FRYL: variants seen among roughly 807,000 people sequenced by gnomAD.
FRYL encodes FRY like transcription coactivator.
A neutral mutation model predicts 351.2 loss-of-function variants in FRYL; 150 were observed. The observed-to-expected ratio is 0.43, with a 90% CI of 0.37 to 0.49. FRYL has a LOEUF of 0.49. Ranked by LOEUF, FRYL falls within the 20% of genes least tolerant of loss-of-function variation. FRYL has a pLI of 0.00. For missense variants in FRYL, 3,036 were observed against 3,619.3 expected, an observed-to-expected ratio of 0.84 and a Z score of 4.13; for synonymous variants, 1,153 against 1,257.1, an observed-to-expected ratio of 0.92 and a Z score of 1.75.
At chr4:48,719,046 C>T (rs1769181356) in intron 1 of FRYL, among the ~76,000 whole-genome samples, 1 of 151,580 alleles carries the variant, frequency 6.6e-6, no homozygotes, top group African/African-American at 2.4e-5. Flanking sequence ...TTTGGCCTCC[C>T]CTCTCTCACT....
At chr4:48,701,000 G>A (rs1766660495) in intron 2 of FRYL, among the ~76,000 whole-genome samples, 1 of 151,964 alleles carries the variant, frequency 6.6e-6, no homozygotes, top group South Asian at 2.1e-4. Flanking sequence ...TCTTAGGCAA[G>A]CTCATTTAAA....
intron 26 of FRYL, chr4:48,571,707 C>A: frequency 2.0e-6 from 2 of 979,950 alleles, no homozygotes; most frequent in Non-Finnish European, 2.4e-6. Context: ...TTGGCTCTTT[C>A]TAAAGTTGAC....
In FRYL at chr4:48,531,303, G is replaced by A. The variant is rs1423453615; in HGVS notation, c.6756C>T (p.Arg2252=). ...ALNILKLVVS[R]SASLVVPSDI... is the part of the protein sequence containing the mutation. ...CACTGGGTACGACAAGACTCGCAGA[G>A]CGTGACACCACCAGCTTTAATATGT... is the stretch of plus-strand genomic sequence containing the variant. The change falls in exon 50 of 64, where the codon CGC becomes CGT. Residue 2252 remains arginine (R), a synonymous_variant. Transcript: ENST00000358350. 1 of 1,613,728 alleles carries A rather than the reference G, an allele frequency of 6.2e-7. No individual in the cohort carries two copies. The highest frequency in any genetic ancestry group is 1.7e-5 in the Admixed American group (1 of 59,994).
At position 48,556,266 on chromosome 4, in the gene FRYL, G is replaced by A. The variant is rs141670995; in HGVS notation, c.4266+712C>T. 7.1e-4 allele frequency among the ~76,000 whole-genome samples: 108 copies of A among 152,282 alleles called. No homozygotes were observed. In the East Asian group the frequency reaches 0.018, roughly 25 times the overall value. ...CCACACTTTTGGGGGATGCTGCCAC[G>A]GGATAGATATCTATATCTGCATCTA... On this transcript the variant is annotated intron_variant, in intron 35 of 63. Transcript: ENST00000358350.
Position 48,521,013 on chromosome 4 carries a change from A to G in FRYL, c.7689+35T>C, listed in dbSNP as rs747323794. 3.9e-6 allele frequency: 6 copies of G among 1,526,424 alleles called. No individual in the cohort carries two copies. The South Asian group carries it at 6.7e-5, about 17-fold the overall frequency. 94.6% of individuals were successfully genotyped at this position (1,526,424 alleles called of 1,614,324 possible). A position where few individuals can be genotyped will look rare whatever the true frequency, so the allele number is the denominator to read the frequency against. On this transcript the variant is annotated intron_variant, in intron 55 of 63. Coordinates refer to ENST00000358350, the MANE Select transcript of FRYL (RefSeq NM_015030.2). ...TATAAAAGAGTGCTAAAAAGAGCCC[A>G]GATTGGCCATGCACCAGCCTCCATT... is the stretch of plus-strand genomic sequence containing the variant.
chr4:48,551,543 T>C lies in FRYL; in HGVS notation c.4471A>G (p.Thr1491Ala). Residue 1491 changes from threonine (T) to alanine (A), a missense_variant, in exon 37 of 64, where the codon ACA becomes GCA. By Grantham distance (58) the Thr-to-Ala change is moderately conservative. Transcript: ENST00000358350. ...TSSSNTMVAP[T>A]DGNPDNKPIK... ...GGCTTATTATCAGGATTGCCATCTG[T>C]GGGAGCTACCATTGTATTGCTACTG... is the stretch of plus-strand genomic sequence containing the variant. 6.2e-7 allele frequency: 1 copy of C among 1,612,016 alleles called. No individual in the cohort carries two copies. Among genetic ancestry groups the C allele is most frequent in the African/African-American group, 1.3e-5 (1 of 75,018 alleles).
chr4:48,600,904 A>G (rs960504169), intron 13 of FRYL, among the ~76,000 whole-genome samples: 3 of 152,204 alleles, frequency 2.0e-5, no homozygotes, highest in Admixed American at 2.0e-4. Context: ...TAGTCAAATA[A>G]GGCATATAAA....
At chr4:48,641,666 G>C (rs1755349333) in intron 3 of FRYL, among the ~76,000 whole-genome samples, 1 of 152,128 alleles carries the variant, frequency 6.6e-6, no homozygotes, top group Non-Finnish European at 1.5e-5. Context: ...GGGAGTGGCA[G>C]CACTGGAACA....
chr4:48,720,479 C>G (rs1385984970), intron 1 of FRYL, among the ~76,000 whole-genome samples: 1 of 152,016 alleles, frequency 6.6e-6, no homozygotes, highest in Admixed American at 6.6e-5. Flanking sequence ...GCCTGGGCAA[C>G]AGAGCAAGAC....
At position 48,606,441 on chromosome 4, in the gene FRYL, C is replaced by A; in HGVS notation, c.738G>T (p.Met246Ile). ...TGTCATTTAGAAGGTATATCACCTG[C>A]ATAAATTGAAATGATGCTTCAAAAT... ...VEDFEASFQF[M>I]QECAQYFLEV... The change falls in exon 10 of 64, where the codon ATG becomes ATT. Residue 246 changes from methionine to isoleucine, a missense_variant. Physicochemically the swap from Met to Ile is conservative, Grantham distance 10. Coordinates refer to ENST00000358350, the MANE Select transcript of FRYL (RefSeq NM_015030.2). The A allele has an allele frequency of 6.2e-7, 1 of 1,604,886 alleles. No individual in the cohort carries two copies. Among genetic ancestry groups the A allele is most frequent in the Non-Finnish European group, 8.5e-7 (1 of 1,173,116 alleles).
intron 4 of FRYL, among the ~76,000 whole-genome samples, chr4:48,626,375 TC>T (rs1304664070): frequency 6.6e-6 from 1 of 152,126 alleles, no homozygotes; most frequent in Non-Finnish European, 1.5e-5. Flanking sequence ...AAAAATTAAA[TC>T]ATTTTCATTT....
chr4:48,539,603 A>T (rs1487148624), intron 47 of FRYL, among the ~76,000 whole-genome samples: 1 of 152,146 alleles, frequency 6.6e-6, no homozygotes, highest in East Asian at 1.9e-4. Flanking sequence ...CCCATGATAA[A>T]GTACACTATC....
chr4:48,665,290 A>T (rs576612918), intron 3 of FRYL, among the ~76,000 whole-genome samples: 1 of 152,336 alleles, frequency 6.6e-6, no homozygotes, highest in Non-Finnish European at 1.5e-5. Flanking sequence ...AGTCTAGAAG[A>T]TCACACACCA....
At chr4:48,754,524 T>C (rs752160893) in intron 1 of FRYL, among the ~76,000 whole-genome samples, 2 of 152,178 alleles carry the variant, frequency 1.3e-5, no homozygotes, top group African/African-American at 2.4e-5. Flanking sequence ...ATTTGAGTCA[T>C]ATGACAATTT....
chr4:48,575,650 T>G (rs1478037187), intron 24 of FRYL, among the ~76,000 whole-genome samples: 2 of 152,234 alleles, frequency 1.3e-5, no homozygotes, highest in African/African-American at 4.8e-5. Context: ...AAGTACCCTT[T>G]AGATCACTAC....
intron 2 of FRYL, among the ~76,000 whole-genome samples, chr4:48,706,667 AT>A (rs1004017299): frequency 6.6e-6 from 1 of 152,106 alleles, no homozygotes; most frequent in African/African-American, 2.4e-5. Flanking sequence ...TAGCACAATA[AT>A]TTTTTTAAAA....
chr4:48,560,943 G>A (rs1046764089), intron 33 of FRYL, among the ~76,000 whole-genome samples: 1 of 152,166 alleles, frequency 6.6e-6, no homozygotes, highest in African/African-American at 2.4e-5. Context: ...AGATCCCAGT[G>A]TTGGAGCATG....
chr4:48,710,890 T>C (rs1767921637), intron 1 of FRYL, among the ~76,000 whole-genome samples, 192 bp from the exon 2 acceptor site: 1 of 152,178 alleles, frequency 6.6e-6, no homozygotes, highest in Admixed American at 6.5e-5. Flanking sequence ...AAAATATGTA[T>C]ACAAATGTTC....
chr4:48,707,802 CA>C (rs1767530052), intron 2 of FRYL, among the ~76,000 whole-genome samples: 1 of 151,288 alleles, frequency 6.6e-6, no homozygotes, highest in South Asian at 2.1e-4. Context: ...AAATTTGTTT[CA>C]AAAAGTATCT....
Sources: gnomAD v4.1 joint callset for allele counts (sites outside exome capture counted in the v4.1 genomes callset) on GRCh38, gnomAD v4.1.1 for gene constraint, MANE v1.5 for transcripts, NCBI Gene and HGNC (gene_info 2026-07-23, HGNC 2026-07-21) for gene names.